Variants in LANCL2 observed in about 807,000 individuals in gnomAD.
LANCL2 encodes LanC like glutathione S-transferase 2, also known as lanC-like protein 2.
Under a neutral mutation model 56.9 loss-of-function variants are expected in LANCL2, and 33 were observed. That is an observed-to-expected ratio of 0.58 (90% confidence interval 0.44 to 0.78). The LOEUF (loss-of-function observed/expected upper bound fraction) is 0.78, where lower values mean the gene tolerates loss of function less well. LANCL2 is among the 30% of genes least tolerant of loss of function. LANCL2 has a pLI of 0.00. For synonymous variants in LANCL2, 233 were observed against 228.2 expected, an observed-to-expected ratio of 1.02 and a Z score of -0.19; for missense variants, 562 against 580.2, an observed-to-expected ratio of 0.97 and a Z score of 0.32.
intron 1 of LANCL2, among the ~76,000 whole-genome samples, chr7:55,387,064 C>T (rs758688966): frequency 6.6e-6 from 1 of 152,012 alleles, no homozygotes; most frequent in Admixed American, 6.6e-5. Flanking sequence ...AGCCAGTTAC[C>T]AAAAACGCAA....
At chr7:55,427,070 C>T (rs904574441) in intron 7 of LANCL2, among the ~76,000 whole-genome samples, 4 of 152,190 alleles carry the variant, frequency 2.6e-5, no homozygotes, top group African/African-American at 9.7e-5. Flanking sequence ...GTGTTCCTGA[C>T]TCCGTAAGCA....
chr7:55,418,014 C>T (rs1790564758), intron 6 of LANCL2, among the ~76,000 whole-genome samples: 1 of 151,982 alleles, frequency 6.6e-6, no homozygotes, highest in Non-Finnish European at 1.5e-5. Flanking sequence ...AGTCCTTCTG[C>T]TCGCAAATGT....
At chr7:55,372,627 T>C (rs1525808) in intron 1 of LANCL2, among the ~76,000 whole-genome samples, 41,964 of 152,082 alleles carry the variant, frequency 0.28, 6,409 homozygotes, top group Non-Finnish European at 0.35. Context: ...ACATAGTTAC[T>C]GATACATAGG....
At position 55,391,887 on chromosome 7, in the gene LANCL2, G is replaced by C. The variant is rs748757923; in HGVS notation, c.299G>C (p.Cys100Ser). 3.7e-6 allele frequency: 6 copies of C among 1,603,310 alleles called. No homozygotes were observed. The African/African-American group carries it at 6.7e-5, about 18-fold the overall frequency. Residue 100 changes from cysteine (C) to serine (S), a missense_variant, in exon 2 of 9, where the codon TGC (cysteine) becomes TCC (serine). Physicochemically the swap from Cys to Ser is moderately radical, Grantham distance 112. Coordinates refer to ENST00000254770, the MANE Select transcript of LANCL2 (RefSeq NM_018697.4). ...CTGAAGACAGCTGATCCCCATGACT[G>C]CTCTGCTTATACTGGCTGGACAGGT... Reference protein sequence around the residue: ...EGLKTADPHDCSAYTGWTGIA... With the variant: ...EGLKTADPHDSSAYTGWTGIA...
Position 55,398,547 on chromosome 7 carries a change from T to G in LANCL2, c.447T>G (p.Cys149Trp), listed in dbSNP as rs1790283019. Residue 149 changes from cysteine to tryptophan, a missense_variant, in exon 3 of 9, where the codon TGT becomes TGG. Around this residue, in one of 2 missense-constraint regions of LANCL2, gnomAD observed 378 missense variants for 468.4 expected, o/e 0.81. Coordinates refer to ENST00000254770, the MANE Select transcript of LANCL2 (RefSeq NM_018697.4). ...NLNGRRVTFL[C>W]GDAGPLAVGA... is the part of the protein sequence containing the mutation. ...ATGGCCGCAGGGTCACCTTCCTCTG[T>G]GGGGATGCTGGCCCCCTGGCTGTTG... The G allele has an allele frequency of 6.2e-7, 1 of 1,614,062 alleles. No homozygotes were observed. Among genetic ancestry groups the G allele is most frequent in the Non-Finnish European group, 8.5e-7 (1 of 1,180,022 alleles).
intron 6 of LANCL2, among the ~76,000 whole-genome samples, chr7:55,412,802 TG>T (rs1444839286): frequency 6.6e-6 from 1 of 152,216 alleles, no homozygotes; most frequent in African/African-American, 2.4e-5. Context: ...AGTATATAGC[TG>T]TAACACAATG....
intron 6 of LANCL2, among the ~76,000 whole-genome samples, chr7:55,424,465 G>A (rs1790640883): frequency 6.6e-6 from 1 of 152,142 alleles, no homozygotes; most frequent in South Asian, 2.1e-4. Context: ...CAGTGTATTG[G>A]ATACTCTTGC....
chr7:55,420,109 G>A (rs935190091), intron 6 of LANCL2, among the ~76,000 whole-genome samples: 5 of 151,966 alleles, frequency 3.3e-5, no homozygotes, highest in African/African-American at 1.2e-4. Flanking sequence ...TCTTTCTATG[G>A]ACTTTAGATT....
At chr7:55,428,661 G>T (rs953842390) in intron 8 of LANCL2, among the ~76,000 whole-genome samples, 7 of 152,112 alleles carry the variant, frequency 4.6e-5, no homozygotes, top group Middle Eastern at 3.2e-3. Flanking sequence ...GTGTTCTTAG[G>T]TTTTTTGTGA....
intron 5 of LANCL2, among the ~76,000 whole-genome samples, chr7:55,405,196 C>G (rs1050642384): frequency 2.6e-5 from 4 of 152,298 alleles, no homozygotes; most frequent in African/African-American, 9.6e-5. Context: ...GAGCCAAATC[C>G]CAGTCCAAGG....
chr7:55,425,522 A>G, intron 7 of LANCL2, 92 bp downstream of exon 7: 1 of 1,211,632 alleles, frequency 8.3e-7, no homozygotes, highest in South Asian at 1.4e-5. Context: ...CCTTCTTTTA[A>G]CCTGTTTCTC....
chr7:55,391,164 C>T (rs1398928428), intron 1 of LANCL2, among the ~76,000 whole-genome samples: 1 of 150,718 alleles, frequency 6.6e-6, no homozygotes, highest in Non-Finnish European at 1.5e-5. Context: ...CTACAGGCGC[C>T]CGCCACCACG....
intron 5 of LANCL2, among the ~76,000 whole-genome samples, chr7:55,405,964 G>T (rs1424150807): frequency 6.6e-6 from 1 of 152,150 alleles, no homozygotes; most frequent in Non-Finnish European, 1.5e-5. Flanking sequence ...TGTCAGTGCA[G>T]AACTACGATT....
chr7:55,420,753 G>C (rs1790599428), intron 6 of LANCL2, among the ~76,000 whole-genome samples: 1 of 152,242 alleles, frequency 6.6e-6, no homozygotes, highest in Admixed American at 6.5e-5. Flanking sequence ...TTCGTTTACA[G>C]ATCAGACTGT....
chr7:55,366,259 C>T lies in LANCL2; in HGVS notation c.204+30C>T, dbSNP rs375322160. 4.5e-4 allele frequency: 645 copies of T among 1,446,298 alleles called. 1 individual carries two copies. The highest frequency in any genetic ancestry group is 5.7e-4 in the Non-Finnish European group (624 of 1,088,586). 89.6% of individuals were successfully genotyped at this position (1,446,298 alleles called of 1,614,324 possible). On this transcript the variant is annotated intron_variant, in intron 1 of 8. Coordinates refer to ENST00000254770, the MANE Select transcript of LANCL2 (RefSeq NM_018697.4). The stretch of plus-strand genomic sequence containing the variant: ...GTCGGCGGCCTGGCCGCAGAGGCGC[C>T]GGAGGGGGAGCGCGGCGGTGGTAGC...
intron 6 of LANCL2, among the ~76,000 whole-genome samples, chr7:55,423,550 C>T (rs1303055257): frequency 6.6e-6 from 1 of 152,184 alleles, no homozygotes; most frequent in East Asian, 1.9e-4. Context: ...GCTTAAGATG[C>T]AAGTGACAGG....
At chr7:55,374,296 T>C (rs992040760) in intron 1 of LANCL2, among the ~76,000 whole-genome samples, 1 of 152,190 alleles carries the variant, frequency 6.6e-6, no homozygotes, top group African/African-American at 2.4e-5. Context: ...GAGGTGTGTG[T>C]GCTTAGGATA....
intron 1 of LANCL2, among the ~76,000 whole-genome samples, chr7:55,388,782 T>C (rs1313853005): frequency 1.3e-5 from 2 of 152,226 alleles, no homozygotes; most frequent in East Asian, 3.9e-4. Flanking sequence ...AGCTCAAGGC[T>C]TTCAGGGGTT....
Position 55,398,500 on chromosome 7 carries a change from A to G in LANCL2, c.400A>G (p.Lys134Glu). 6.2e-7 allele frequency: 1 copy of G among 1,614,170 alleles called. No individual in the cohort carries two copies. Among genetic ancestry groups the G allele is most frequent in the Non-Finnish European group, 8.5e-7 (1 of 1,180,024 alleles). Residue 134 changes from lysine to glutamate, a missense_variant, in exon 3 of 9, where the codon AAA (lysine) becomes GAA (glutamate). Lys to Glu is a moderately conservative substitution (Grantham distance 56, BLOSUM62 1). Coordinates refer to ENST00000254770, the MANE Select transcript of LANCL2 (RefSeq NM_018697.4). Reference protein sequence around the residue: ...TYLLRSLDYVKRTLRNLNGRR... With the variant: ...TYLLRSLDYVERTLRNLNGRR... ...CCTGCTCCGATCCCTGGATTACGTA[A>G]AAAGAACACTTCGGAATCTGAATGG... is the stretch of plus-strand genomic sequence containing the variant.
Sources: gnomAD v4.1 joint callset for allele counts (sites outside exome capture counted in the v4.1 genomes callset) on GRCh38, gnomAD v4.1.1 for gene constraint, gnomAD v4.1.1 regional missense constraint, MANE v1.5 for transcripts, NCBI Gene and HGNC (gene_info 2026-07-23, HGNC 2026-07-21) for gene names.